The following MSH4 variants were observed in gnomAD, a reference collection of about 807,000 sequenced individuals.
MSH4 encodes the protein mutS homolog 4, also known as mutS protein homolog 4.
MSH4 carries 106 observed loss-of-function variants against 113.7 expected under a neutral mutation model. The observed-to-expected ratio is 0.93, with a 90% CI of 0.80 to 1.10. The LOEUF is 1.10. Ranked by LOEUF, MSH4 falls within the 50% of genes least tolerant of loss-of-function variation. The pLI, the probability that MSH4 is intolerant of heterozygous loss-of-function variation, is 0.00. For synonymous variants in MSH4, 368 were observed against 380.2 expected, an observed-to-expected ratio of 0.97 and a Z score of 0.37; for missense variants, 1,061 against 1,093.7, an observed-to-expected ratio of 0.97 and a Z score of 0.42.
chr1:75,869,413 A>C (rs2100562950), intron 9 of MSH4, among the ~76,000 whole-genome samples: 1 of 152,356 alleles, frequency 6.6e-6, no homozygotes, highest in South Asian at 2.1e-4. Context: ...AATTCGCATA[A>C]GTAACAAGGA....
At chr1:75,899,057 G>A (rs1652448787) in intron 18 of MSH4, among the ~76,000 whole-genome samples, 1 of 152,120 alleles carries the variant, frequency 6.6e-6, no homozygotes, top group African/African-American at 2.4e-5. Flanking sequence ...AATAAATACA[G>A]TAAGCTATTG....
intron 4 of MSH4, among the ~76,000 whole-genome samples, chr1:75,813,491 T>C (rs893833125): frequency 2.0e-5 from 3 of 152,150 alleles, no homozygotes; most frequent in Non-Finnish European, 4.4e-5. Context: ...TTCAGTTTTT[T>C]TCATCAGTAA....
chr1:75,797,131 C>T lies in MSH4; in HGVS notation c.146C>T (p.Ser49Phe), dbSNP rs941635416. The stretch of plus-strand genomic sequence containing the variant: ...AGCCGCCCTTCGGTCCAGGTGGTCT[C>T]TGCATCCACCTGTCCTGGCACGTCA... Reference protein sequence around the residue: ...PQSRPSVQVVSASTCPGTSGA... With the variant: ...PQSRPSVQVVFASTCPGTSGA... The change falls in exon 1 of 20, where the codon TCT becomes TTT. Residue 49 changes from serine (S) to phenylalanine (F), a missense_variant. By Grantham distance (155) the Ser-to-Phe change is radical. Transcript: ENST00000263187. The T allele has an allele frequency of 6.2e-7, 1 of 1,613,840 alleles. No individual in the cohort carries two copies. Among genetic ancestry groups the T allele is most frequent in the African/African-American group, 1.3e-5 (1 of 75,058 alleles).
At chr1:75,867,950 T>G (rs1178852423) in intron 9 of MSH4, among the ~76,000 whole-genome samples, 1 of 152,128 alleles carries the variant, frequency 6.6e-6, no homozygotes, top group Admixed American at 6.6e-5. Flanking sequence ...AAAATTGTTC[T>G]AATAATGTTC....
intron 7 of MSH4, among the ~76,000 whole-genome samples, chr1:75,825,015 C>G (rs564152469): frequency 4.7e-5 from 7 of 149,240 alleles, no homozygotes; most frequent in Non-Finnish European, 1.0e-4. Context: ...TCAATGGTAG[C>G]TAAATGGGAA....
intron 3 of MSH4, among the ~76,000 whole-genome samples, chr1:75,807,462 T>A (rs978301894): frequency 4.6e-5 from 7 of 152,178 alleles, no homozygotes; most frequent in Admixed American, 1.3e-4. Flanking sequence ...CTGATCATAA[T>A]CCTTAAAGAC....
intron 19 of MSH4, among the ~76,000 whole-genome samples, chr1:75,906,796 A>C (rs1010637254): frequency 6.7e-6 from 1 of 148,650 alleles, no homozygotes; most frequent in African/African-American, 2.5e-5. Context: ...ATTTCTTTAA[A>C]GGTGTCTGTA....
At chr1:75,851,796 A>G (rs1161756434) in intron 8 of MSH4, among the ~76,000 whole-genome samples, 1 of 152,188 alleles carries the variant, frequency 6.6e-6, no homozygotes, top group Non-Finnish European at 1.5e-5. Flanking sequence ...CTTCCCTACC[A>G]TTATGCTATT....
At chr1:75,895,544 G>A (rs1050764109) in intron 17 of MSH4, among the ~76,000 whole-genome samples, 1 of 152,060 alleles carries the variant, frequency 6.6e-6, no homozygotes, top group Non-Finnish European at 1.5e-5. Context: ...AGGACTGTCT[G>A]TAATTGTCAT....
At chr1:75,823,194 C>T (rs1310557799) in intron 7 of MSH4, among the ~76,000 whole-genome samples, 3 of 152,168 alleles carry the variant, frequency 2.0e-5, no homozygotes, top group Non-Finnish European at 2.9e-5. Context: ...CCCTGCGTGT[C>T]TTCACATTGT....
At chr1:75,905,773 TG>T (rs1165052649) in intron 19 of MSH4, among the ~76,000 whole-genome samples, 1 of 152,202 alleles carries the variant, frequency 6.6e-6, no homozygotes, top group Non-Finnish European at 1.5e-5. Flanking sequence ...GTCCTCTTGC[TG>T]AATTGACCCC....
rs138119949 is a variant in MSH4 at position 75,898,043 on chromosome 1, A to G, written c.2492A>G (p.Tyr831Cys). ...AATAAAGAAGCAATTTTGTATACCTACAAACTTTCTAAGGGACTCACAGAA... is the reference window on the plus strand; with the variant it reads ...AATAAAGAAGCAATTTTGTATACCTGCAAACTTTCTAAGGGACTCACAGAA... ...SRNKEAILYT[Y>C]KLSKGLTEEK... The change falls in exon 18 of 20, where the codon TAC becomes TGC. Residue 831 changes from tyrosine to cysteine, a missense_variant. Tyr to Cys is a radical substitution (Grantham distance 194). Transcript: ENST00000263187. 2 of 1,598,738 alleles carry G rather than the reference A, an allele frequency of 1.3e-6. No individual in the cohort carries two copies. The highest frequency in any genetic ancestry group is 4.5e-5 in the East Asian group (2 of 44,268).
Position 75,883,715 on chromosome 1 carries a change from C to T in MSH4, c.2001C>T (p.Thr667=). 2 of 1,613,030 alleles carry T rather than the reference C, an allele frequency of 1.2e-6. No homozygotes were observed. Among genetic ancestry groups the T allele is most frequent in the Non-Finnish European group, 1.7e-6 (2 of 1,179,470 alleles). The change falls in exon 15 of 20, where the codon ACC becomes ACT. Residue 667 remains threonine, a synonymous_variant. Coordinates refer to ENST00000263187, the MANE Select transcript of MSH4 (RefSeq NM_002440.4). The stretch of plus-strand genomic sequence containing the variant: ...CGGAAAAACCTATTGCCAACAATAC[C>T]TATGTTACAGAAGGGAGTAATTTTT... The part of the protein sequence containing the change: ...ISAEKPIANN[T]YVTEGSNFLI...
At chr1:75,844,336 A>C (rs988634171) in intron 7 of MSH4, among the ~76,000 whole-genome samples, 4 of 151,956 alleles carry the variant, frequency 2.6e-5, no homozygotes, top group African/African-American at 7.2e-5. Context: ...TATTTTTATT[A>C]ATTTTTTTGA....
rs555295566 is a variant in MSH4, at chr1:75,891,658, T to C, written c.2355+834T>C. Among the ~76,000 whole-genome samples the C allele has an allele frequency of 4.6e-5, 7 of 152,170 alleles. No individual in the cohort carries two copies. The South Asian group carries it at 8.3e-4, about 18-fold the overall frequency. On this transcript the variant is annotated intron_variant, in intron 17 of 19. Transcript: ENST00000263187. Reference sequence around the variant, plus strand: ...TAGCTGTGACGGGGTTTCACCATGTTACCCAGGCTGGTCTTGAACTCCTGG... The same window carrying C: ...TAGCTGTGACGGGGTTTCACCATGTCACCCAGGCTGGTCTTGAACTCCTGG...
At chr1:75,820,891 C>T (rs1650393894) in intron 6 of MSH4, among the ~76,000 whole-genome samples, 1 of 150,790 alleles carries the variant, frequency 6.6e-6, no homozygotes, top group Non-Finnish European at 1.5e-5. Context: ...ACAGGAGCAC[C>T]CAGATTCATA....
intron 8 of MSH4, among the ~76,000 whole-genome samples, chr1:75,854,444 T>A (rs570630635): frequency 6.6e-6 from 1 of 152,230 alleles, no homozygotes; most frequent in South Asian, 2.1e-4. Flanking sequence ...CTACTTGGGA[T>A]CCAAAACCTG....
chr1:75,912,818 T>A lies in MSH4; in HGVS notation c.2742T>A (p.Ser914Arg). The A allele has an allele frequency of 6.3e-7, 1 of 1,587,382 alleles. No homozygotes were observed. Among genetic ancestry groups the A allele is most frequent in the African/African-American group, 1.4e-5 (1 of 73,334 alleles). ...CAGACAGTTTACGAATATATTTAAG[T>A]AACCTCAAGAAGAAGTACAAAGAAG... ...LDPDSLRIYL[S>R]NLKKKYKEDF... Residue 914 changes from serine (S) to arginine (R), a missense_variant, in exon 20 of 20, where the codon AGT becomes AGA. Transcript: ENST00000263187.
chr1:75,891,432 A>G (rs1652251995), intron 17 of MSH4, among the ~76,000 whole-genome samples: 1 of 152,064 alleles, frequency 6.6e-6, no homozygotes, highest in Non-Finnish European at 1.5e-5. Context: ...ATGAAAGTCC[A>G]TAATGATTTA....
Sources: allele counts gnomAD v4.1 joint callset (sites outside exome capture counted in the v4.1 genomes callset), GRCh38; gene constraint gnomAD v4.1.1; transcripts MANE v1.5; gene names NCBI Gene and HGNC (gene_info 2026-07-23, HGNC 2026-07-21).